Variants in ZNF737 observed in about 807,000 individuals in gnomAD.
ZNF737 encodes the protein zinc finger protein 737, also known as zinc finger protein 102 (Y3).
A neutral mutation model predicts 11.7 loss-of-function variants in ZNF737; 13 were observed. The observed-to-expected ratio is 1.11, with a 90% CI of 0.73 to 1.77. The LOEUF is 1.77. Among genes scored for constraint, ZNF737 ranks in the 40% most tolerant of loss-of-function variants. The pLI is 0.00. For missense variants in ZNF737, 636 were observed against 638.0 expected, an observed-to-expected ratio of 1.00 and a Z score of 0.03; for synonymous variants, 217 against 216.2, an observed-to-expected ratio of 1.00 and a Z score of -0.03.
At chr19:20,549,434 A>G (rs1314715208) in intron 3 of ZNF737, among the ~76,000 whole-genome samples, 1 of 152,014 alleles carries the variant, frequency 6.6e-6, no homozygotes, top group African/African-American at 2.4e-5. Context: ...TCCAGACCAC[A>G]TTGGCCAATA....
Position 20,548,754 on chromosome 19 carries a change from A to AT in ZNF737, c.227-2779dup, listed in dbSNP as rs200502467. Among the ~76,000 whole-genome samples, 170 of 141,880 alleles carry AT rather than the reference A, an allele frequency of 1.2e-3. 1 individual carries two copies. Among genetic ancestry groups the AT allele is most frequent in the African/African-American group, 3.8e-3 (150 of 39,330 alleles). The allele number at this position is 141,880 out of a possible 152,430, so 93.1% of individuals were successfully genotyped here. On this transcript the variant is annotated intron_variant, in intron 3 of 3. Transcript: ENST00000427401. Reference sequence around the variant, plus strand: ...ACTATGGCTGGCTATTATTATTATTATTTTTTATAGAGAGGTGTCACCATA... The same window carrying AT: ...ACTATGGCTGGCTATTATTATTATTATTTTTTTATAGAGAGGTGTCACCATA...
rs1291588216 is a variant in ZNF737, at chr19:20,545,935, T to C, written c.268A>G (p.Ser90Gly). The C allele has an allele frequency of 6.3e-6, 10 of 1,580,560 alleles. No individual in the cohort carries two copies. The highest frequency in any genetic ancestry group is 8.6e-6 in the Non-Finnish European group (10 of 1,167,110). The change falls in exon 4 of 4, where the codon AGC (serine) becomes GGC (glycine). Residue 90 changes from serine to glycine, a missense_variant. Coordinates refer to ENST00000427401, the MANE Select transcript of ZNF737 (RefSeq NM_001159293.2). ...HFARDLWPEQ[S>G]IKDSFQKVTL... ...ACTTTTTGGAAAGAATCTTTTATGC[T>C]CTGCTCTGGCCAAAGATCTCGGGCA...
chr19:20,544,766 T>A lies in ZNF737; in HGVS notation c.1437A>T (p.Lys479Asn). Residue 479 changes from lysine (K) to asparagine (N), a missense_variant, in exon 4 of 4, where the codon AAA becomes AAT. Coordinates refer to ENST00000427401, the MANE Select transcript of ZNF737 (RefSeq NM_001159293.2). ...TGCCACATCGTTCACATTTGTAGGG[T>A]TTCTCTCCAGTATGAATTCTCTTAT... ...TAHKRIHTGE[K>N]PYKCERCGKA... 1 of 1,609,280 alleles carries A rather than the reference T, an allele frequency of 6.2e-7. No individual in the cohort carries two copies.
intron 1 of ZNF737, 145 bp downstream of exon 1, chr19:20,565,493 G>C (rs1969263646): frequency 7.1e-7 from 1 of 1,418,342 alleles, no homozygotes; most frequent in Non-Finnish European, 9.9e-7. Flanking sequence ...TGGCTGAACG[G>C]GACTGAGGCC....
chr19:20,546,857 G>A (rs1555757174), intron 3 of ZNF737, among the ~76,000 whole-genome samples: 2 of 152,138 alleles, frequency 1.3e-5, no homozygotes, highest in African/African-American at 4.8e-5. Flanking sequence ...TGCAGCCTGG[G>A]TGACAGTAAG....
intron 1 of ZNF737, among the ~76,000 whole-genome samples, chr19:20,560,028 C>T (rs368372546): frequency 0.055 from 8,344 of 150,898 alleles, 782 homozygotes; most frequent in African/African-American, 0.19. Context: ...TAGCCGGGCG[C>T]GGTGGCGGGC....
In ZNF737 at chr19:20,540,902, A is replaced by T; in HGVS notation, c.*3690T>A. On this transcript the variant is annotated 3_prime_UTR_variant, in exon 4 of 4. Transcript: ENST00000427401. ...TTAAATTATTTTTTATGCACCATTT[A>T]TACATTCACACACACATAGAACAAT... is the stretch of plus-strand genomic sequence containing the variant. 1 of 965,362 alleles carries T rather than the reference A, an allele frequency of 1.0e-6. No individual in the cohort carries two copies. Among genetic ancestry groups the T allele is most frequent in the Non-Finnish European group, 1.2e-6 (1 of 811,648 alleles). The allele number at this position is 965,362 out of a possible 1,614,324, so 59.8% of individuals were successfully genotyped here. A position where few individuals can be genotyped will look rare whatever the true frequency, so the allele number is the denominator to read the frequency against.
chr19:20,551,890 T>C (rs1555758536), intron 3 of ZNF737, among the ~76,000 whole-genome samples: 1 of 151,684 alleles, frequency 6.6e-6, no homozygotes, highest in Non-Finnish European at 1.5e-5. Flanking sequence ...TTGCAGTGTT[T>C]TTTTTTTACA....
chr19:20,546,547 C>T (rs1323558280), intron 3 of ZNF737, among the ~76,000 whole-genome samples: 3 of 152,184 alleles, frequency 2.0e-5, no homozygotes, highest in Non-Finnish European at 4.4e-5. Context: ...AGATAATACA[C>T]AGTATTCCTA....
Position 20,553,814 on chromosome 19 carries a change from C to A in ZNF737, c.25G>T (p.Val9Leu). The change falls in exon 2 of 4, where the codon GTG (valine) becomes TTG (leucine). Residue 9 changes from valine (V) to leucine (L), a missense_variant. Physicochemically the swap from Val to Leu is conservative, Grantham distance 32. Transcript: ENST00000427401. MGPLQFRDVAIEFSLEEWH... is the reference protein window; with the variant it reads MGPLQFRDLAIEFSLEEWH... The stretch of plus-strand genomic sequence containing the variant: ...TCCTCCAGAGAGAATTCTATGGCCA[C>A]GTCTCTAAATTGCAATGGCCCCTGA... The A allele has an allele frequency of 6.2e-7, 1 of 1,613,714 alleles. No individual in the cohort carries two copies. The highest frequency in any genetic ancestry group is 8.5e-7 in the Non-Finnish European group (1 of 1,179,896).
At position 20,543,357 on chromosome 19, in the gene ZNF737, T is replaced by G; in HGVS notation, c.*1235A>C. The G allele has an allele frequency of 1.0e-6, 1 of 986,514 alleles. No homozygotes were observed. Among genetic ancestry groups the G allele is most frequent in the Non-Finnish European group, 1.2e-6 (1 of 829,758 alleles). 61.1% of individuals were successfully genotyped at this position (986,514 alleles called of 1,614,324 possible). A position where few individuals can be genotyped will look rare whatever the true frequency, so the allele number is the denominator to read the frequency against. ...CTGTGATACTAGTAAATGTACTATG[T>G]AACTCCCTTTATATTTGTAATGCTT... On this transcript the variant is annotated 3_prime_UTR_variant, in exon 4 of 4. Transcript: ENST00000427401.
chr19:20,545,828 C>T lies in ZNF737; in HGVS notation c.375G>A (p.Val125=), dbSNP rs782319077. ...KGCESVDECK[V]HKRGYNGLNQ... is the part of the protein sequence containing the mutation. ...TAAGTCCATTATAACCTCTTTTGTG[C>T]ACCTTACACTCATCTACACTTTCAC... The change falls in exon 4 of 4, where the codon GTG becomes GTA. Residue 125 remains valine, a synonymous_variant. Coordinates refer to ENST00000427401, the MANE Select transcript of ZNF737 (RefSeq NM_001159293.2). 15 of 1,613,286 alleles carry T rather than the reference C, an allele frequency of 9.3e-6. No individual in the cohort carries two copies. Among genetic ancestry groups the T allele is most frequent in the African/African-American group, 4.0e-5 (3 of 74,822 alleles).
chr19:20,555,718 A>G (rs1261532130), intron 1 of ZNF737, among the ~76,000 whole-genome samples: 3 of 152,206 alleles, frequency 2.0e-5, no homozygotes, highest in Non-Finnish European at 4.4e-5. Flanking sequence ...CTTAGGGAGG[A>G]GAAACACAAG....
At position 20,552,512 on chromosome 19, in the gene ZNF737, C is replaced by G. The variant is rs1555758808; in HGVS notation, c.189G>C (p.Leu63Phe). 5.0e-6 allele frequency: 8 copies of G among 1,595,128 alleles called. No homozygotes were observed. ...ITCLEQGKKP[L>F]TMKKHEMVAN... ...CTACCATCTCATGTTTCTTCATGGT[C>G]AAAGGTTTTTTTCCTTGCTCCAGAC... The change falls in exon 3 of 4, where the codon TTG becomes TTC. Residue 63 changes from leucine to phenylalanine, a missense_variant. Coordinates refer to ENST00000427401, the MANE Select transcript of ZNF737 (RefSeq NM_001159293.2).
Position 20,541,404 on chromosome 19 carries a change from C to T in ZNF737, c.*3188G>A. On this transcript the variant is annotated 3_prime_UTR_variant, in exon 4 of 4. Transcript: ENST00000427401. ...CACATGTTCAAGGAAAACTATATTA[C>T]AAGTATTTATAATTTTTCAGGACTC... 1.0e-6 allele frequency: 1 copy of T among 982,988 alleles called. No homozygotes were observed. The highest frequency in any genetic ancestry group is 5.3e-4 in the Middle Eastern group (1 of 1,904). 60.9% of individuals were successfully genotyped at this position (982,988 alleles called of 1,614,324 possible).
At chr19:20,557,701 C>T (rs772017338) in intron 1 of ZNF737, among the ~76,000 whole-genome samples, 4 of 151,550 alleles carry the variant, frequency 2.6e-5, no homozygotes, top group Non-Finnish European at 5.9e-5. Flanking sequence ...ACTACAGCCT[C>T]TGCCTCCAGG....
chr19:20,552,824 C>T (rs761444764), intron 2 of ZNF737, among the ~76,000 whole-genome samples: 2 of 151,908 alleles, frequency 1.3e-5, no homozygotes, highest in African/African-American at 2.4e-5. Flanking sequence ...CCAGCCTGGC[C>T]AGCATGGTGA....
chr19:20,559,297 T>C (rs1164174033), intron 1 of ZNF737, among the ~76,000 whole-genome samples: 1 of 152,158 alleles, frequency 6.6e-6, no homozygotes, highest in African/African-American at 2.4e-5. Flanking sequence ...AAAGGTCTAA[T>C]ATCCAGAATT....
downstream of ZNF737, among the ~76,000 whole-genome samples, chr19:20,537,226 GT>G (rs1968005037): frequency 6.6e-6 from 1 of 150,440 alleles, no homozygotes; most frequent in Non-Finnish European, 1.5e-5. Flanking sequence ...TTGAGATGGA[GT>G]TTTGCTCTTG....
Sources: gnomAD v4.1 joint callset for allele counts (sites outside exome capture counted in the v4.1 genomes callset) on GRCh38, gnomAD v4.1.1 for gene constraint, MANE v1.5 for transcripts, NCBI Gene and HGNC (gene_info 2026-07-23, HGNC 2026-07-21) for gene names.